SLC23A2: variants seen among roughly 807,000 people sequenced by gnomAD.
The protein encoded by SLC23A2 is solute carrier family 23 member 2, also known as Na(+)/L-ascorbic acid transporter 2.
In SLC23A2, 36 loss-of-function variants were observed where a neutral mutation model predicts 73.3. The ratio of observed to expected loss-of-function variants is 0.49; its 90% CI spans 0.38 to 0.65. The LOEUF (loss-of-function observed/expected upper bound fraction) is 0.65. SLC23A2 is among the 30% of genes least tolerant of loss of function. The pLI is 0.00. For synonymous variants in SLC23A2, 343 were observed against 327.3 expected (o/e 1.05, Z -0.52); for missense variants, 507 against 841.6 (o/e 0.60, Z 4.92).
intron 6 of SLC23A2, among the ~76,000 whole-genome samples, chr20:4,898,890 A>G (rs1022251391): frequency 4.6e-5 from 7 of 152,238 alleles, no homozygotes; most frequent in African/African-American, 1.7e-4. Context: ...AGGGCTCCAC[A>G]GAGTCGGGAG....
intron 2 of SLC23A2, among the ~76,000 whole-genome samples, chr20:4,941,869 G>C (rs952554408): frequency 3.3e-5 from 5 of 152,142 alleles, no homozygotes; most frequent in Non-Finnish European, 7.4e-5. Context: ...GAAAAAGATA[G>C]TATGTACAGC....
intron 13 of SLC23A2, among the ~76,000 whole-genome samples, chr20:4,866,593 C>A (rs1204929271): frequency 1.3e-5 from 2 of 152,208 alleles, no homozygotes; most frequent in African/African-American, 2.4e-5. Flanking sequence ...GCAGATGGGG[C>A]CATTGGCACA....
intron 2 of SLC23A2, among the ~76,000 whole-genome samples, chr20:4,959,183 C>A (rs912857554): frequency 1.3e-5 from 2 of 151,038 alleles, no homozygotes; most frequent in Non-Finnish European, 2.9e-5. Context: ...TGTGCCATTG[C>A]ACTCCAGCCT....
chr20:4,975,385 C>T (rs2087627699), intron 1 of SLC23A2, among the ~76,000 whole-genome samples: 1 of 151,930 alleles, frequency 6.6e-6, no homozygotes. Flanking sequence ...TTTTTTATTA[C>T]TTATTTATTT....
At chr20:5,009,619 T>C (rs1350789600) in intron 1 of SLC23A2, among the ~76,000 whole-genome samples, 1 of 152,206 alleles carries the variant, frequency 6.6e-6, no homozygotes, top group African/African-American at 2.4e-5. Context: ...ACTACTGAAG[T>C]ACTCAGTTAG....
chr20:4,864,821 A>G (rs1431137717), intron 13 of SLC23A2, among the ~76,000 whole-genome samples: 1 of 152,182 alleles, frequency 6.6e-6, no homozygotes, highest in Non-Finnish European at 1.5e-5. Context: ...GCATCCAGGC[A>G]GAGGAAACAG....
intron 1 of SLC23A2, among the ~76,000 whole-genome samples, chr20:5,000,425 C>T (rs1233205160): frequency 6.6e-6 from 1 of 152,184 alleles, no homozygotes; most frequent in African/African-American, 2.4e-5. Context: ...TGCCTCCGGA[C>T]TCCCAGTCCC....
chr20:5,003,565 C>A (rs1433192967), upstream of SLC23A2, among the ~76,000 whole-genome samples: 1 of 150,440 alleles, frequency 6.6e-6, no homozygotes, highest in African/African-American at 2.5e-5. Flanking sequence ...AATGTGGAGT[C>A]TTCTGATTAG....
intron 2 of SLC23A2, among the ~76,000 whole-genome samples, chr20:4,945,460 A>AT (rs911290999): frequency 5.3e-5 from 8 of 151,972 alleles, no homozygotes; most frequent in African/African-American, 1.7e-4. Flanking sequence ...AAATGTTTGT[A>AT]TTTTTTGTAG....
chr20:5,004,462 T>C (rs2088167789), upstream of SLC23A2, among the ~76,000 whole-genome samples: 1 of 152,174 alleles, frequency 6.6e-6, no homozygotes, highest in African/African-American at 2.4e-5. Flanking sequence ...TCAAGACTAA[T>C]CTCCTGAAAC....
intron 2 of SLC23A2, among the ~76,000 whole-genome samples, chr20:4,939,610 T>A (rs142952591): frequency 2.2e-4 from 33 of 152,290 alleles, no homozygotes; most frequent in Non-Finnish European, 3.7e-4. Context: ...CCTGTTTCTG[T>A]TAAGGTCCCT....
In SLC23A2 at chr20:4,978,933, C is replaced by G. The variant is rs1009784579; in HGVS notation, c.-281-8014G>C. Reference sequence around the variant, plus strand: ...AGAAAGAGTTATTTAAGGCTATTATCTAAGTATGATGCAAAAGTCTCCAAT... The same window carrying G: ...AGAAAGAGTTATTTAAGGCTATTATGTAAGTATGATGCAAAAGTCTCCAAT... On this transcript the variant is annotated intron_variant, in intron 1 of 16. Coordinates refer to ENST00000338244, the MANE Select transcript of SLC23A2 (RefSeq NM_005116.6). 4.5e-4 allele frequency among the ~76,000 whole-genome samples: 69 copies of G among 152,128 alleles called. 3 individuals are homozygous for G. Among genetic ancestry groups the G allele is most frequent in the Non-Finnish European group, 1.5e-5 (1 of 68,034 alleles).
Position 4,853,213 on chromosome 20 carries a change from G to A in SLC23A2, c.*3759C>T, listed in dbSNP as rs912295496. 2.6e-5 allele frequency: 4 copies of A among 152,290 alleles called. No individual in the cohort carries two copies. Among genetic ancestry groups the A allele is most frequent in the South Asian group, 2.1e-4 (1 of 4,838 alleles). The allele number at this position is 152,290 out of a possible 1,614,324, so 9.4% of individuals were successfully genotyped here. A position where few individuals can be genotyped will look rare whatever the true frequency, so the allele number is the denominator to read the frequency against. ...GTGTGGCTGGGTGTGCACAGCTGGCGTCCAGCGACAGCCATGCCGGGCCTA... is the reference window on the plus strand; with the variant it reads ...GTGTGGCTGGGTGTGCACAGCTGGCATCCAGCGACAGCCATGCCGGGCCTA... On this transcript the variant is annotated 3_prime_UTR_variant, in exon 17 of 17. Coordinates refer to ENST00000338244, the MANE Select transcript of SLC23A2 (RefSeq NM_005116.6).
In SLC23A2 at chr20:4,878,335, C is replaced by T. The variant is rs188829533; in HGVS notation, c.825-3639G>A. Among the ~76,000 whole-genome samples, 21 of 152,120 alleles carry T rather than the reference C, an allele frequency of 1.4e-4. No individual in the cohort carries two copies. The East Asian group carries it at 4.1e-3, about 29-fold the overall frequency. On this transcript the variant is annotated intron_variant, in intron 9 of 16. Coordinates refer to ENST00000338244, the MANE Select transcript of SLC23A2 (RefSeq NM_005116.6). The stretch of plus-strand genomic sequence containing the variant: ...CTGAGTAGCTGAGATTACAGGTGCC[C>T]GCCACTACACCCAGCTAATTTTGTA...
At chr20:4,871,573 G>A (rs1277124145) in intron 11 of SLC23A2, among the ~76,000 whole-genome samples, 1 of 152,176 alleles carries the variant, frequency 6.6e-6, no homozygotes, top group African/African-American at 2.4e-5. Flanking sequence ...GGATTGGGAA[G>A]AGAAAGGATA....
chr20:4,991,720 T>TCTCACA (rs1555809316), intron 1 of SLC23A2, among the ~76,000 whole-genome samples: 1 of 139,314 alleles, frequency 7.2e-6, no homozygotes, highest in Non-Finnish European at 1.5e-5. Context: ...AGACTCCGTT[T>TCTCACA]CACACACACA....
At chr20:4,931,354 T>C (rs1035652457) in intron 3 of SLC23A2, among the ~76,000 whole-genome samples, 1 of 152,092 alleles carries the variant, frequency 6.6e-6, no homozygotes, top group African/African-American at 2.4e-5. Flanking sequence ...TAAAAAATAA[T>C]ACTGACACCT....
At chr20:4,931,320 G>A (rs527610758) in intron 3 of SLC23A2, among the ~76,000 whole-genome samples, 11 of 152,170 alleles carry the variant, frequency 7.2e-5, no homozygotes, top group African/African-American at 1.2e-4. Flanking sequence ...ATTCCAACTC[G>A]GGTGACACAG....
At chr20:4,949,566 T>C (rs2087167668) in intron 2 of SLC23A2, among the ~76,000 whole-genome samples, 1 of 152,134 alleles carries the variant, frequency 6.6e-6, no homozygotes, top group Non-Finnish European at 1.5e-5. Context: ...CTGACAGCAC[T>C]AAGAAACCCT....
Sources: allele counts gnomAD v4.1 joint callset (sites outside exome capture counted in the v4.1 genomes callset), GRCh38; gene constraint gnomAD v4.1.1; transcripts MANE v1.5; gene names NCBI Gene and HGNC (gene_info 2026-07-23, HGNC 2026-07-21).